Variants in FADS2 observed in about 807,000 individuals in gnomAD.
FADS2 encodes the protein acyl-CoA 6-desaturase.
FADS2 carries 18 observed loss-of-function variants against 61.2 expected under a neutral mutation model. That is an observed-to-expected ratio of 0.29 (90% CI 0.20 to 0.44). FADS2 has a LOEUF of 0.44. Ranked by LOEUF, FADS2 falls within the 20% of genes least tolerant of loss-of-function variation. FADS2 has a pLI of 1.00. For synonymous variants in FADS2, 203 were observed against 223.9 expected (o/e 0.91, Z 0.83); for missense variants, 322 against 572.7 (o/e 0.56, Z 4.47).
chr11:61,824,588 T>A (rs749745399), upstream of FADS2, among the ~76,000 whole-genome samples: 21 of 151,950 alleles, frequency 1.4e-4, no homozygotes, highest in Non-Finnish European at 2.4e-4. Context: ...AGGTCTAACA[T>A]CACATGGTAG....
At chr11:61,855,593 A>G (rs1246137321) in intron 5 of FADS2, 1 of 152,274 alleles carries the variant, frequency 6.6e-6, no homozygotes, top group Non-Finnish European at 1.5e-5. Context: ...GAGGCCACAC[A>G]GAACAAAGGG....
intron 9 of FADS2, 137 bp downstream of exon 9, chr11:61,863,515 C>A: frequency 1.2e-6 from 1 of 808,290 alleles, no homozygotes; most frequent in Non-Finnish European, 2.0e-6. Context: ...AGCTTCAGGG[C>A]TGAGCAAGAA....
chr11:61,835,398 T>C (rs905679892), intron 1 of FADS2, among the ~76,000 whole-genome samples: 3 of 116,868 alleles, frequency 2.6e-5, no homozygotes, highest in Admixed American at 1.1e-4. Context: ...CCCCCGACCC[T>C]TTTTTTTTTT....
intron 5 of FADS2, among the ~76,000 whole-genome samples, chr11:61,853,269 C>CTT (rs2067324557): frequency 1.0e-5 from 1 of 95,504 alleles, no homozygotes; most frequent in African/African-American, 6.6e-5. Context: ...TTCTCTCCCT[C>CTT]CCTCCCTTCC....
At chr11:61,820,654 C>T (rs1051738198) in intron 1 of FADS2, among the ~76,000 whole-genome samples, 2 of 152,086 alleles carry the variant, frequency 1.3e-5, no homozygotes, top group Non-Finnish European at 2.9e-5. Flanking sequence ...AATCCCTGCA[C>T]TTTGGGAGGG....
At chr11:61,840,597 A>G in intron 3 of FADS2, 27 bp from the exon 4 acceptor site, 4 of 1,612,706 alleles carry the variant, frequency 2.5e-6, no homozygotes, top group Non-Finnish European at 3.4e-6. Context: ...TGAGGCTGTG[A>G]CAGCACGTGT....
At chr11:61,833,318 C>T (rs1219446671) in intron 1 of FADS2, among the ~76,000 whole-genome samples, 1 of 152,214 alleles carries the variant, frequency 6.6e-6, no homozygotes, top group Admixed American at 6.5e-5. Context: ...TGGGTTGGCC[C>T]TCCCTTGCCT....
chr11:61,841,531 C>A (rs544251082), intron 4 of FADS2, among the ~76,000 whole-genome samples: 5 of 149,668 alleles, frequency 3.3e-5, no homozygotes, highest in African/African-American at 9.9e-5. Context: ...AGACCCCCCC[C>A]CATCTCTCAA....
intron 10 of FADS2, among the ~76,000 whole-genome samples, chr11:61,864,469 C>T (rs1376626934): frequency 6.6e-6 from 1 of 152,164 alleles, no homozygotes; most frequent in Non-Finnish European, 1.5e-5. Flanking sequence ...TCTCGGCTCA[C>T]TGCATCCTCC....
intron 1 of FADS2, among the ~76,000 whole-genome samples, chr11:61,819,247 T>G (rs1270083601): frequency 6.6e-6 from 1 of 152,204 alleles, no homozygotes; most frequent in Non-Finnish European, 1.5e-5. Flanking sequence ...AATAATTCCA[T>G]GTTTAGGAAT....
intron 5 of FADS2, among the ~76,000 whole-genome samples, chr11:61,850,596 A>G (rs1294670408): frequency 5.9e-5 from 9 of 151,766 alleles, no homozygotes; most frequent in Admixed American, 5.9e-4. Flanking sequence ...CCACAAAAAA[A>G]TGTTCTTATT....
Position 61,865,357 on chromosome 11 carries a change from C to T in FADS2, c.1283+80C>T. On this transcript the variant is annotated intron_variant, in intron 11 of 11. Transcript: ENST00000278840. This position sits in a 1 kb window ranked among gnomAD's most constrained non-coding sequence, Gnocchi z 4.1. ...AGTGGGATCACAAGAGGGGCTGGGC[C>T]CTCCTGGCACAGTCACCCACCAGGG... is the stretch of plus-strand genomic sequence containing the variant. The T allele has an allele frequency of 6.5e-7, 1 of 1,529,998 alleles. No individual in the cohort carries two copies. Among genetic ancestry groups the T allele is most frequent in the South Asian group, 1.2e-5 (1 of 82,568 alleles). The allele number at this position is 1,529,998 out of a possible 1,614,324, so 94.8% of individuals were successfully genotyped here.
intron 1 of FADS2, among the ~76,000 whole-genome samples, chr11:61,833,767 C>T (rs577911532): frequency 1.9e-4 from 29 of 152,330 alleles, no homozygotes; most frequent in African/African-American, 6.3e-4. Context: ...GTTCCAGAGG[C>T]AGAAGCCAAG....
chr11:61,820,726 C>A (rs1457711162), intron 1 of FADS2, among the ~76,000 whole-genome samples: 4 of 151,852 alleles, frequency 2.6e-5, no homozygotes, highest in African/African-American at 9.7e-5. Context: ...ACGGTGAAAC[C>A]CTGTCTCTAC....
intron 5 of FADS2, among the ~76,000 whole-genome samples, chr11:61,853,290 C>T (rs11230810): frequency 0.11 from 8,693 of 81,564 alleles, 817 homozygotes; most frequent in East Asian, 0.39. Context: ...CTCCCTCCCT[C>T]CCTTCCTTCC....
chr11:61,854,433 G>C (rs552138139), intron 5 of FADS2: 2 of 152,428 alleles, frequency 1.3e-5, no homozygotes, highest in East Asian at 3.9e-4. Context: ...ACTTGTTCAA[G>C]GTAACAGCAA....
At chr11:61,861,808 C>T (rs557319518) in intron 7 of FADS2, among the ~76,000 whole-genome samples, 2 of 152,354 alleles carry the variant, frequency 1.3e-5, no homozygotes, top group Non-Finnish European at 2.9e-5. Flanking sequence ...ATGCAGCCAC[C>T]GTTGCCTCTG....
chr11:61,858,141 G>C (rs1484338754), intron 7 of FADS2, among the ~76,000 whole-genome samples: 2 of 152,098 alleles, frequency 1.3e-5, no homozygotes, highest in Non-Finnish European at 2.9e-5. Context: ...CTGCATATTT[G>C]TATCTGTATC....
At chr11:61,845,253 C>A (rs1179579732) in intron 4 of FADS2, among the ~76,000 whole-genome samples, 2 of 152,030 alleles carry the variant, frequency 1.3e-5, no homozygotes, top group African/African-American at 4.8e-5. Flanking sequence ...ACTTAGCTTT[C>A]CTGGCCCCAG....
Sources: allele counts gnomAD v4.1 joint callset (sites outside exome capture counted in the v4.1 genomes callset), GRCh38; gene constraint gnomAD v4.1.1; non-coding constraint Gnocchi (gnomAD v3.1); transcripts MANE v1.5; gene names NCBI Gene and HGNC (gene_info 2026-07-23, HGNC 2026-07-21).